The following PLEKHA5 variants were observed in gnomAD, a reference collection of about 807,000 sequenced individuals.
PLEKHA5 encodes the protein pleckstrin homology domain-containing family A member 5.
A neutral mutation model predicts 181.9 loss-of-function variants in PLEKHA5; 55 were observed. That is an observed-to-expected ratio of 0.30 (90% CI 0.24 to 0.38). The LOEUF is 0.38. Among genes scored for constraint, PLEKHA5 ranks in the 10% least tolerant of loss-of-function variants. The probability of loss-of-function intolerance (pLI) is 1.00; values close to 1 mark genes in which losing one functional copy is unlikely to be tolerated. For missense variants in PLEKHA5, 1,432 were observed against 1,549.5 expected, an observed-to-expected ratio of 0.92 and a Z score of 1.27; for synonymous variants, 535 against 529.4, an observed-to-expected ratio of 1.01 and a Z score of -0.15.
chr12:19,306,990 A>G, intron 15 of PLEKHA5: 4 of 1,474,796 alleles, frequency 2.7e-6, no homozygotes, highest in African/African-American at 1.4e-5. Context: ...GCGCTGTTCC[A>G]CCGGCTGCTT....
At chr12:19,365,047 T>C (rs2095381823) in intron 29 of PLEKHA5, among the ~76,000 whole-genome samples, 1 of 152,066 alleles carries the variant, frequency 6.6e-6, no homozygotes, top group Non-Finnish European at 1.5e-5. Context: ...TACTTGCCCC[T>C]CCAAAACCTA....
At chr12:19,162,692 A>G (rs1350393221) in intron 3 of PLEKHA5, among the ~76,000 whole-genome samples, 1 of 152,142 alleles carries the variant, frequency 6.6e-6, no homozygotes, top group Admixed American at 6.5e-5. Context: ...TGAACATTAA[A>G]TTGATATGGA....
intron 3 of PLEKHA5, among the ~76,000 whole-genome samples, chr12:19,186,892 G>A (rs1565441459): frequency 6.6e-6 from 1 of 152,074 alleles, no homozygotes; most frequent in Non-Finnish European, 1.5e-5. Context: ...AGAAGGTCGA[G>A]GAATAACAAT....
At chr12:19,354,372 C>T (rs1162358645) in intron 26 of PLEKHA5, among the ~76,000 whole-genome samples, 1 of 146,978 alleles carries the variant, frequency 6.8e-6, no homozygotes, top group Non-Finnish European at 1.5e-5. Flanking sequence ...CCAGGATGGT[C>T]TCGATCTCCT....
chr12:19,288,561 C>A (rs372340435), intron 13 of PLEKHA5, among the ~76,000 whole-genome samples: 159 of 152,290 alleles, frequency 1.0e-3, no homozygotes, highest in Non-Finnish European at 1.6e-3. Context: ...ATTTAAAATT[C>A]TCTTCCTGCA....
intron 3 of PLEKHA5, chr12:19,152,400 C>T (rs1472190717): frequency 6.6e-6 from 1 of 152,156 alleles, no homozygotes; most frequent in Admixed American, 6.5e-5. Context: ...ACTCTAGGCT[C>T]ATAGATAGAG....
chr12:19,365,273 A>G (rs1159669724), intron 29 of PLEKHA5, among the ~76,000 whole-genome samples: 1 of 151,554 alleles, frequency 6.6e-6, no homozygotes, highest in Non-Finnish European at 1.5e-5. Context: ...AGGCTGAGGC[A>G]GGAGAATGGT....
chr12:19,186,176 G>C (rs1591981442), intron 3 of PLEKHA5, among the ~76,000 whole-genome samples: 1 of 152,192 alleles, frequency 6.6e-6, no homozygotes, highest in African/African-American at 2.4e-5. Context: ...AAGGAAAATG[G>C]CTGTGCTAAT....
chr12:19,351,947 T>G (rs2094613223), intron 25 of PLEKHA5, among the ~76,000 whole-genome samples: 1 of 151,790 alleles, frequency 6.6e-6, no homozygotes. Flanking sequence ...GTGGCATAGT[T>G]TGCCTGTAAT....
At chr12:19,342,767 ACT>A (rs2094039061) in intron 21 of PLEKHA5, among the ~76,000 whole-genome samples, 1 of 151,880 alleles carries the variant, frequency 6.6e-6, no homozygotes, top group African/African-American at 2.4e-5. Flanking sequence ...ACAGAGCAAG[ACT>A]CTGTCTCAAA....
At chr12:19,287,339 C>G (rs1249159419) in intron 12 of PLEKHA5, 134 bp from the exon 13 acceptor site, 4 of 688,180 alleles carry the variant, frequency 5.8e-6, no homozygotes, top group Admixed American at 2.7e-5. Context: ...ATGTTAGTCT[C>G]TATCATCTTT....
chr12:19,366,076 C>T lies in PLEKHA5; in HGVS notation c.3721C>T (p.Pro1241Ser). 1.2e-6 allele frequency: 2 copies of T among 1,611,992 alleles called. No homozygotes were observed. The highest frequency in any genetic ancestry group is 2.7e-5 in the African/African-American group (2 of 74,938). Reference protein sequence around the residue: ...EETVISYESTPEVSRGNQTMA... With the variant: ...EETVISYESTSEVSRGNQTMA... ...AACTGTTATTTCTTACGAATCAACT[C>T]CTGAGGTTTCTAGAGGAAATCAAAC... Residue 1241 changes from proline (P) to serine (S), a missense_variant, in exon 30 of 32, where the codon CCT becomes TCT. Coordinates refer to ENST00000429027, the MANE Select transcript of PLEKHA5 (RefSeq NM_001256470.2).
At chr12:19,369,490 G>A (rs1042320410) in intron 30 of PLEKHA5, among the ~76,000 whole-genome samples, 1 of 151,998 alleles carries the variant, frequency 6.6e-6, no homozygotes, top group African/African-American at 2.4e-5. Context: ...GACCAGCCTG[G>A]TCAACATGGT....
At chr12:19,138,509 G>A (rs1324508047) in intron 3 of PLEKHA5, among the ~76,000 whole-genome samples, 4 of 151,442 alleles carry the variant, frequency 2.6e-5, no homozygotes, top group Non-Finnish European at 5.9e-5. Flanking sequence ...GGAGGGAGAG[G>A]TTGCAGTGGG....
chr12:19,288,491 T>C (rs1247623233), intron 13 of PLEKHA5, among the ~76,000 whole-genome samples: 1 of 152,228 alleles, frequency 6.6e-6, no homozygotes, highest in East Asian at 1.9e-4. Flanking sequence ...TTATTGTCAG[T>C]AGATAACCTC....
chr12:19,222,775 G>A (rs541819775), intron 3 of PLEKHA5, among the ~76,000 whole-genome samples: 145 of 152,212 alleles, frequency 9.5e-4, no homozygotes, highest in Non-Finnish European at 1.9e-3. Flanking sequence ...AATATGTGCA[G>A]TTGGTGAAGT....
intron 3 of PLEKHA5, among the ~76,000 whole-genome samples, chr12:19,140,269 T>C (rs2036869543): frequency 6.6e-6 from 1 of 152,234 alleles, no homozygotes; most frequent in Admixed American, 6.5e-5. Flanking sequence ...TTTTTAAGTC[T>C]ACTTTGGTTT....
intron 11 of PLEKHA5, among the ~76,000 whole-genome samples, chr12:19,277,986 A>C (rs2152758573): frequency 6.6e-6 from 1 of 152,326 alleles, no homozygotes; most frequent in African/African-American, 2.4e-5. Flanking sequence ...GTAGGAGCTT[A>C]GAGTGTTCAT....
intron 25 of PLEKHA5, among the ~76,000 whole-genome samples, chr12:19,349,673 G>T (rs975813663): frequency 6.6e-6 from 1 of 151,598 alleles, no homozygotes. Context: ...TCAGGAGGCC[G>T]AGGTGGGCGG....
Sources: gnomAD v4.1 joint callset for allele counts (sites outside exome capture counted in the v4.1 genomes callset) on GRCh38, gnomAD v4.1.1 for gene constraint, MANE v1.5 for transcripts, NCBI Gene and HGNC (gene_info 2026-07-23, HGNC 2026-07-21) for gene names.